The following NIN variants were observed in gnomAD, a reference collection of about 807,000 sequenced individuals.
The protein encoded by NIN is glycogen synthase kinase 3 beta-interacting protein.
In NIN, 137 loss-of-function variants were observed where a neutral mutation model predicts 257.6. The ratio of observed to expected loss-of-function variants is 0.53; its 90% CI spans 0.46 to 0.61. NIN has a LOEUF of 0.61. Among genes scored for constraint, NIN ranks in the 20% least tolerant of loss-of-function variants. The pLI is 0.00. For synonymous variants in NIN, 918 were observed against 919.8 expected (o/e 1.00, Z 0.04); for missense variants, 2,439 against 2,501.2 (o/e 0.98, Z 0.53).
In NIN at chr14:50,721,806, TTGTCAAGGCTCTTG is replaced by T; in HGVS notation, c.*1643_*1656del. 4.5e-6 allele frequency: 1 copy of T among 223,608 alleles called. No individual in the cohort carries two copies. The highest frequency in any genetic ancestry group is 6.4e-5 in the East Asian group (1 of 15,552). The allele number at this position is 223,608 out of a possible 1,614,324, so 13.9% of individuals were successfully genotyped here. On this transcript the variant is annotated 3_prime_UTR_variant, in exon 31 of 31. Coordinates refer to ENST00000530997, the MANE Select transcript of NIN (RefSeq NM_020921.4). ...TCCCAGTCCCACAAAAAACAGTGCC[TTGTCAAGGCTCTTG>T]TAGTGAGGCCTCCTGGGTTGACCGG...
chr14:50,759,496 CTTT>C (rs35589008), intron 17 of NIN, among the ~76,000 whole-genome samples: 3 of 142,340 alleles, frequency 2.1e-5, no homozygotes, highest in Admixed American at 7.0e-5. Flanking sequence ...GCGACTGGCA[CTTT>C]TTTTTTTTTT....
chr14:50,777,594 T>G (rs1595848649), intron 6 of NIN, among the ~76,000 whole-genome samples: 1 of 152,096 alleles, frequency 6.6e-6, no homozygotes, highest in African/African-American at 2.4e-5. Flanking sequence ...GAAAATAATT[T>G]CATGATAAAA....
chr14:50,754,910 C>G (rs2041955612), intron 18 of NIN, 43 bp from the exon 19 acceptor site: 2 of 1,392,434 alleles, frequency 1.4e-6, no homozygotes, highest in African/African-American at 1.5e-5. Flanking sequence ...AGGCAGTCAT[C>G]TGGCATCTTT....
chr14:50,760,116 G>A lies in NIN; in HGVS notation c.2140C>T (p.His714Tyr), dbSNP rs2042216294. ...LQVKLEEEKT[H>Y]LQEKLRLQHE... is the part of the protein sequence containing the mutation. Reference sequence around the variant, plus strand: ...TGCAGCCTCAGCTTCTCCTGCAGGTGAGTCTTTTCCTCCTCAAGCTTCACT... The same window carrying A: ...TGCAGCCTCAGCTTCTCCTGCAGGTAAGTCTTTTCCTCCTCAAGCTTCACT... Residue 714 changes from histidine to tyrosine, a missense_variant, in exon 17 of 31, where the codon CAC (histidine) becomes TAC (tyrosine). Physicochemically the swap from His to Tyr is moderately conservative, Grantham distance 83. Transcript: ENST00000530997. The A allele has an allele frequency of 6.2e-7, 1 of 1,614,066 alleles. No homozygotes were observed. Among genetic ancestry groups the A allele is most frequent in the Non-Finnish European group, 8.5e-7 (1 of 1,180,040 alleles).
intron 5 of NIN, among the ~76,000 whole-genome samples, chr14:50,788,014 A>G (rs1446126386): frequency 2.0e-5 from 3 of 152,152 alleles, no homozygotes; most frequent in Non-Finnish European, 4.4e-5. Context: ...AAGACAATAA[A>G]GGAAAAGACT....
chr14:50,772,549 G>C (rs2042777765), intron 8 of NIN, 81 bp from the exon 9 acceptor site: 1 of 1,229,794 alleles, frequency 8.1e-7, no homozygotes, highest in Admixed American at 1.8e-5. Context: ...TGACCACGAT[G>C]GGTAGAAGGC....
In NIN at chr14:50,830,305, G is replaced by C. The variant is rs574113163; in HGVS notation, c.-22+159C>G. Among the ~76,000 whole-genome samples the C allele has an allele frequency of 1.6e-4, 25 of 152,336 alleles. 1 individual carries two copies. The South Asian group carries it at 5.0e-3, about 30-fold the overall frequency. On this transcript the variant is annotated intron_variant, in intron 2 of 30. Coordinates refer to ENST00000530997, the MANE Select transcript of NIN (RefSeq NM_020921.4). ...CAAACCCAGCGGTGCTGCCGCGCGGGGAAGCGGAGGTGCGGCCGCAGGACA... is the reference window on the plus strand; with the variant it reads ...CAAACCCAGCGGTGCTGCCGCGCGGCGAAGCGGAGGTGCGGCCGCAGGACA...
intron 29 of NIN, chr14:50,727,365 AAT>A: frequency 1.0e-6 from 1 of 1,002,588 alleles, no homozygotes. Flanking sequence ...TTTGGTTAAA[AAT>A]AGTTACAACA....
chr14:50,737,495 C>CAAAAAAA (rs58386910), intron 27 of NIN, among the ~76,000 whole-genome samples: 18 of 54,418 alleles, frequency 3.3e-4, no homozygotes, highest in Admixed American at 5.2e-4. Flanking sequence ...TGTTACATAG[C>CAAAAAAA]AAAAAAAAAA....
rs45578537 is a variant in NIN at position 50,754,623 on chromosome 14, C to T, written c.4674G>A (p.Thr1558=). 18,584 of 1,608,936 alleles carry T rather than the reference C, an allele frequency of 0.012. 148 individuals are homozygous for T. The highest frequency in any genetic ancestry group is 0.014 in the Non-Finnish European group (16,456 of 1,177,966). Residue 1558 remains threonine, a synonymous_variant, in exon 20 of 31, where the codon ACG becomes ACA. Transcript: ENST00000530997. ...CAGCATTTTCTTGTTTTACAGTTTC[C>T]GTTTTTTGCCTAAAAGGAATGATGA... The part of the protein sequence containing the change: ...NGSQEEMWQK[T]ETVKQENAAV...
chr14:50,760,305 G>T lies in NIN; in HGVS notation c.1951C>A (p.Gln651Lys). The part of the protein sequence containing the change: ...DETVVSCKKA[Q>K]ENMKQRHENE... Reference sequence around the variant, plus strand: ...TCATGCCTTTGCTTCATGTTCTCCTGTGCCTTCTTGCAGCTGACCACGGTT... The same window carrying T: ...TCATGCCTTTGCTTCATGTTCTCCTTTGCCTTCTTGCAGCTGACCACGGTT... Residue 651 changes from glutamine to lysine, a missense_variant, in exon 17 of 31, where the codon CAG becomes AAG. Transcript: ENST00000530997. 6.2e-7 allele frequency: 1 copy of T among 1,608,394 alleles called. No homozygotes were observed. The highest frequency in any genetic ancestry group is 8.5e-7 in the Non-Finnish European group (1 of 1,179,940).
At chr14:50,782,947 G>T (rs2065077) in intron 5 of NIN, among the ~76,000 whole-genome samples, 1 of 149,106 alleles carries the variant, frequency 6.7e-6, no homozygotes, top group Non-Finnish European at 1.5e-5. Context: ...AGACATTCTT[G>T]AGACAGTCCA....
chr14:50,816,873 G>C (rs1468746083), intron 3 of NIN, among the ~76,000 whole-genome samples: 2 of 152,010 alleles, frequency 1.3e-5, no homozygotes, highest in Non-Finnish European at 2.9e-5. Context: ...CTCCCCTCTC[G>C]ATCCCTGTCA....
rs962506208 is a variant in NIN, at chr14:50,758,642, C to T, written c.2400-12G>A. On this transcript the variant is annotated splice_polypyrimidine_tract_variant and intron_variant, in intron 17 of 30. Transcript: ENST00000530997. ...TTTCCATTTTTTCCCTAAATATAGT[C>T]AACATACAGCATTATTGAAACTGCC... is the stretch of plus-strand genomic sequence containing the variant. 10 of 1,536,878 alleles carry T rather than the reference C, an allele frequency of 6.5e-6. No individual in the cohort carries two copies. Among genetic ancestry groups the T allele is most frequent in the Admixed American group, 2.2e-5 (1 of 46,434 alleles).
In NIN at chr14:50,752,508, C is replaced by T; in HGVS notation, c.4950+10G>A. The T allele has an allele frequency of 1.3e-6, 2 of 1,595,640 alleles. No homozygotes were observed. Among genetic ancestry groups the T allele is most frequent in the Non-Finnish European group, 1.7e-6 (2 of 1,170,508 alleles). On this transcript the variant is annotated intron_variant, in intron 21 of 30. Coordinates refer to ENST00000530997, the MANE Select transcript of NIN (RefSeq NM_020921.4). Reference sequence around the variant, plus strand: ...CTCAAAAAAAGCTGTCAGGTGGCTACAGGCCATACCTGCACTTTACAACGT... The same window carrying T: ...CTCAAAAAAAGCTGTCAGGTGGCTATAGGCCATACCTGCACTTTACAACGT...
intron 25 of NIN, among the ~76,000 whole-genome samples, chr14:50,739,986 CA>C (rs1222020228): frequency 2.1e-4 from 32 of 152,284 alleles, no homozygotes; most frequent in African/African-American, 7.5e-4. Context: ...ATCCAAAGCA[CA>C]TATTGTCCAT....
At chr14:50,744,987 G>C (rs1954297359) in intron 22 of NIN, among the ~76,000 whole-genome samples, 1 of 152,010 alleles carries the variant, frequency 6.6e-6, no homozygotes, top group South Asian at 2.1e-4. Context: ...CAACCCAAAG[G>C]CAAGTTTAAA....
rs1333085374 is a variant in NIN at position 50,757,101 on chromosome 14, C to T, written c.3929G>A (p.Ser1310Asn). ...ATTTTCTATTTTGACCTCATCGTAA[C>T]TCTTTTCCAGGCTGAGGAATGTTTC... ...VTETFLSLEK[S>N]YDEVKIENEG... Residue 1310 changes from serine to asparagine, a missense_variant, in exon 18 of 31, where the codon AGT (serine) becomes AAT (asparagine). Ser to Asn is a conservative substitution (Grantham distance 46). Transcript: ENST00000530997. 6.2e-7 allele frequency: 1 copy of T among 1,613,260 alleles called. No homozygotes were observed. The highest frequency in any genetic ancestry group is 2.2e-5 in the East Asian group (1 of 44,872).
At chr14:50,752,485 CA>C in intron 21 of NIN, 32 bp downstream of exon 21, 6 of 1,513,766 alleles carry the variant, frequency 4.0e-6, no homozygotes, top group South Asian at 2.4e-5. Context: ...GGGATTTCCT[CA>C]AAAAAAGCTG....
Sources: gnomAD v4.1 joint callset for allele counts (sites outside exome capture counted in the v4.1 genomes callset) on GRCh38, gnomAD v4.1.1 for gene constraint, MANE v1.5 for transcripts, NCBI Gene and HGNC (gene_info 2026-07-23, HGNC 2026-07-21) for gene names.